The following EYA2 variants were observed in gnomAD, a reference collection of about 807,000 sequenced individuals.
EYA2 encodes protein phosphatase EYA2.
Under a neutral mutation model 69.2 loss-of-function variants are expected in EYA2, and 31 were observed. That is an observed-to-expected ratio of 0.45 (90% CI 0.34 to 0.60). EYA2 has a LOEUF of 0.60. Among genes scored for constraint, EYA2 ranks in the 20% least tolerant of loss-of-function variants. The probability of loss-of-function intolerance (pLI) is 0.02; values close to 1 mark genes in which losing one functional copy is unlikely to be tolerated. For synonymous variants in EYA2, 257 were observed against 279.4 expected, an observed-to-expected ratio of 0.92 and a Z score of 0.80; for missense variants, 622 against 701.2, an observed-to-expected ratio of 0.89 and a Z score of 1.28.
chr20:47,084,290 C>T (rs377096423), intron 7 of EYA2, among the ~76,000 whole-genome samples: 4 of 152,200 alleles, frequency 2.6e-5, no homozygotes, highest in African/African-American at 9.6e-5. Flanking sequence ...CCTCTAATCC[C>T]AGCACTTTGG....
chr20:47,015,846 T>C (rs1983376278), intron 4 of EYA2, among the ~76,000 whole-genome samples: 1 of 152,192 alleles, frequency 6.6e-6, no homozygotes, highest in African/African-American at 2.4e-5. Context: ...AACACCTGAA[T>C]TGGGAGCCCA....
chr20:47,152,399 T>TC lies in EYA2; in HGVS notation c.978+9252dup, dbSNP rs533683928. ...GGGAGTGTACCTTTTTTTTTTTTTTTCTCAAAGAGTGGGCATTCTGAATGT... is the reference window on the plus strand; with the variant it reads ...GGGAGTGTACCTTTTTTTTTTTTTTTCCTCAAAGAGTGGGCATTCTGAATGT... On this transcript the variant is annotated intron_variant, in intron 10 of 15. Coordinates refer to ENST00000327619, the MANE Select transcript of EYA2 (RefSeq NM_005244.5). Among the ~76,000 whole-genome samples the TC allele has an allele frequency of 1.2e-3, 175 of 151,258 alleles. 1 individual carries two copies. The highest frequency in any genetic ancestry group is 6.8e-3 in the Middle Eastern group (2 of 294).
intron 10 of EYA2, among the ~76,000 whole-genome samples, chr20:47,160,565 G>C (rs2034044460): frequency 6.6e-6 from 1 of 152,084 alleles, no homozygotes; most frequent in African/African-American, 2.4e-5. Context: ...AAGCCAACAG[G>C]ATTTGGTGAT....
intron 1 of EYA2, among the ~76,000 whole-genome samples, chr20:46,957,559 AC>A (rs1568686783): frequency 6.0e-5 from 9 of 150,750 alleles, no homozygotes; most frequent in South Asian, 4.2e-4. Flanking sequence ...ACACACACAC[AC>A]ACACACACAC....
intron 1 of EYA2, among the ~76,000 whole-genome samples, chr20:46,930,467 A>G (rs1985618757): frequency 6.6e-6 from 1 of 152,102 alleles, no homozygotes; most frequent in Non-Finnish European, 1.5e-5. Flanking sequence ...TCCAAACCAG[A>G]TGCATATACA....
At chr20:46,981,431 A>G (rs901976934) in intron 1 of EYA2, among the ~76,000 whole-genome samples, 5 of 152,198 alleles carry the variant, frequency 3.3e-5, no homozygotes, top group Non-Finnish European at 5.9e-5. Context: ...TTCTCAAGTC[A>G]GGGTCATGTT....
At chr20:47,174,114 C>G (rs1035625186) in intron 12 of EYA2, among the ~76,000 whole-genome samples, 3 of 152,204 alleles carry the variant, frequency 2.0e-5, no homozygotes, top group African/African-American at 7.2e-5. Context: ...CTGGTTGCCA[C>G]AGTGCCTGGA....
intron 7 of EYA2, among the ~76,000 whole-genome samples, chr20:47,085,098 A>C (rs2031852745): frequency 6.6e-6 from 1 of 151,654 alleles, no homozygotes; most frequent in Admixed American, 6.6e-5. Flanking sequence ...TGACCTCCCA[A>C]AGTGCTAGGA....
At chr20:46,950,517 CT>C (rs1978730614) in intron 1 of EYA2, among the ~76,000 whole-genome samples, 1 of 152,196 alleles carries the variant, frequency 6.6e-6, no homozygotes, top group East Asian at 1.9e-4. Flanking sequence ...GCTCCTCCTT[CT>C]GGGTGCTCCT....
intron 3 of EYA2, among the ~76,000 whole-genome samples, chr20:47,004,580 A>G (rs1378974113): frequency 6.6e-6 from 1 of 152,190 alleles, no homozygotes; most frequent in East Asian, 1.9e-4. Flanking sequence ...GTGTTTCCGT[A>G]TCATGGCTCT....
chr20:46,935,278 A>C (rs1491003807), intron 1 of EYA2, among the ~76,000 whole-genome samples: 3 of 152,206 alleles, frequency 2.0e-5, no homozygotes, highest in South Asian at 2.1e-4. Flanking sequence ...GGCTGTCACC[A>C]ACAGAATTAG....
intron 12 of EYA2, among the ~76,000 whole-genome samples, chr20:47,175,248 C>T (rs549063463): frequency 3.9e-5 from 6 of 152,232 alleles, no homozygotes; most frequent in Non-Finnish European, 7.3e-5. Flanking sequence ...CACAGATCCC[C>T]ACGATTCCAA....
intron 10 of EYA2, among the ~76,000 whole-genome samples, chr20:47,154,576 G>T (rs2033883795): frequency 6.6e-6 from 1 of 151,958 alleles, no homozygotes; most frequent in Non-Finnish European, 1.5e-5. Flanking sequence ...GCCAGGGACA[G>T]TGATGTCCGT....
chr20:46,899,908 C>T (rs944738937), intron 1 of EYA2, among the ~76,000 whole-genome samples: 2 of 152,194 alleles, frequency 1.3e-5, no homozygotes, highest in African/African-American at 4.8e-5. Context: ...CCTCTGCCTT[C>T]AGATATATGC....
intron 1 of EYA2, among the ~76,000 whole-genome samples, chr20:46,960,301 C>G (rs1375798382): frequency 6.6e-6 from 1 of 152,042 alleles, no homozygotes; most frequent in Non-Finnish European, 1.5e-5. Flanking sequence ...ACACTTTACC[C>G]ACGGGACACA....
chr20:47,167,106 T>A (rs953927914), intron 10 of EYA2: 6 of 154,472 alleles, frequency 3.9e-5, no homozygotes, highest in Non-Finnish European at 7.3e-5. Context: ...CCCTTACGAC[T>A]CTTGGCTGCA....
intron 9 of EYA2, among the ~76,000 whole-genome samples, chr20:47,112,302 A>G (rs918655761): frequency 2.6e-5 from 4 of 152,220 alleles, no homozygotes; most frequent in African/African-American, 9.6e-5. Flanking sequence ...TAACCATGCA[A>G]TTTAGAGACA....
intron 9 of EYA2, among the ~76,000 whole-genome samples, chr20:47,106,054 A>G (rs2032570412): frequency 6.6e-6 from 1 of 152,206 alleles, no homozygotes; most frequent in Non-Finnish European, 1.5e-5. Flanking sequence ...AGATTGGCCA[A>G]CGAGAGGCTT....
At chr20:46,946,375 G>T (rs1245446999) in intron 1 of EYA2, among the ~76,000 whole-genome samples, 3 of 152,130 alleles carry the variant, frequency 2.0e-5, no homozygotes, top group East Asian at 1.9e-4. Flanking sequence ...GCATCACTGC[G>T]GTCAAAATCT....
Sources: gnomAD v4.1 joint callset for allele counts (sites outside exome capture counted in the v4.1 genomes callset) on GRCh38, gnomAD v4.1.1 for gene constraint, MANE v1.5 for transcripts, NCBI Gene and HGNC (gene_info 2026-07-23, HGNC 2026-07-21) for gene names.